The following CARHSP1 variants were observed in gnomAD, a reference collection of about 807,000 sequenced individuals.
CARHSP1 encodes calcium regulated heat stable protein 1.
In CARHSP1, 14 loss-of-function variants were observed where a neutral mutation model predicts 12.5. That is an observed-to-expected ratio of 1.12 (90% CI 0.74 to 1.75). The LOEUF is 1.75. Among genes scored for constraint, CARHSP1 ranks in the 40% most tolerant of loss-of-function variants. CARHSP1 has a pLI of 0.00. For missense variants in CARHSP1, 343 were observed against 201.6 expected, an observed-to-expected ratio of 1.70 and a Z score of -4.25; for synonymous variants, 161 against 82.0, an observed-to-expected ratio of 1.96 and a Z score of -5.20.
intron 3 of CARHSP1, chr16:8,858,045 G>A (rs2061204846): frequency 6.0e-6 from 2 of 334,194 alleles, no homozygotes; most frequent in Middle Eastern, 9.7e-4. Context: ...TTACAGGCGT[G>A]AGCCACCACG....
chr16:8,860,343 A>G, intron 1 of CARHSP1: 1 of 985,366 alleles, frequency 1.0e-6, no homozygotes, highest in Non-Finnish European at 1.2e-6. Flanking sequence ...TGTGACCCCT[A>G]GTATGTACCG....
chr16:8,863,101 C>T (rs1272047768), intron 1 of CARHSP1, among the ~76,000 whole-genome samples: 1 of 141,450 alleles, frequency 7.1e-6, no homozygotes, highest in Non-Finnish European at 1.5e-5. Context: ...CAGGAATGGC[C>T]ACAAGGATGG....
intron 3 of CARHSP1, among the ~76,000 whole-genome samples, chr16:8,855,833 C>G (rs1344720963): frequency 6.6e-6 from 1 of 152,080 alleles, no homozygotes; most frequent in Non-Finnish European, 1.5e-5. Flanking sequence ...CCCAGCCTGC[C>G]TTTTTTTGAG....
At chr16:8,861,087 G>A (rs1169859825) in intron 1 of CARHSP1, among the ~76,000 whole-genome samples, 1 of 143,868 alleles carries the variant, frequency 7.0e-6, no homozygotes, top group Non-Finnish European at 1.5e-5. Flanking sequence ...TTGAGACAGT[G>A]TCTCACTGTC....
At chr16:8,858,677 C>G in intron 2 of CARHSP1, 7 of 576,208 alleles carry the variant, frequency 1.2e-5, no homozygotes, top group East Asian at 8.9e-5. Context: ...ATGACCCTGG[C>G]CAATTTTCTC....
Position 8,856,362 on chromosome 16 carries a change from A to T in CARHSP1, c.282-1036T>A, listed in dbSNP as rs577639536. On this transcript the variant is annotated intron_variant, in intron 3 of 3. Coordinates refer to ENST00000311052, the MANE Select transcript of CARHSP1 (RefSeq NM_014316.4). ...TTGATTGGAGAATCGTATGGTGAAG[A>T]GTGTTTCCCTCTTTGATCTGGTCAC... Among the ~76,000 whole-genome samples, 21 of 152,320 alleles carry T rather than the reference A, an allele frequency of 1.4e-4. No homozygotes were observed. The South Asian group carries it at 3.9e-3, about 29-fold the overall frequency.
At chr16:8,857,720 G>A (rs2061187902) in intron 3 of CARHSP1, 1 of 150,320 alleles carries the variant, frequency 6.7e-6, no homozygotes, top group Non-Finnish European at 1.5e-5. Context: ...CTTCCGAGGA[G>A]CCGGGATTAC....
intron 3 of CARHSP1, among the ~76,000 whole-genome samples, chr16:8,855,663 C>T (rs968686304): frequency 6.6e-6 from 1 of 150,698 alleles, no homozygotes; most frequent in Non-Finnish European, 1.5e-5. Context: ...GACAGCCAGT[C>T]CAAGCCAGAG....
intron 1 of CARHSP1, chr16:8,866,297 C>T (rs1402765521): frequency 2.9e-6 from 1 of 339,572 alleles, no homozygotes; most frequent in Non-Finnish European, 4.2e-6. Context: ...TGTCCCTGAC[C>T]CAGGGAACAC....
rs200892360 is a variant in CARHSP1, at chr16:8,859,199, G to A, written c.130C>T (p.Pro44Ser). Residue 44 changes from proline to serine, a missense_variant, in exon 2 of 4, where the codon CCC becomes TCC. Pro to Ser is a moderately conservative substitution (Grantham distance 74). Transcript: ENST00000311052. ...GAGAAGGTCCTCGTCCGGCGAGTGG[G>A]CAGTGGGCTTGGGACCACGTTGCCC... ...LRGNVVPSPL[P>S]TRRTRTFSAT... The A allele has an allele frequency of 1.2e-6, 2 of 1,603,852 alleles. No individual in the cohort carries two copies. Among genetic ancestry groups the A allele is most frequent in the South Asian group, 1.1e-5 (1 of 89,612 alleles).
In CARHSP1 at chr16:8,857,919, G is replaced by A. The variant is rs185221348; in HGVS notation, c.281+431C>T. 7.4e-3 allele frequency: 1,156 copies of A among 156,358 alleles called. 10 individuals are homozygous for A. The highest frequency in any genetic ancestry group is 0.03 in the African/African-American group (1,106 of 36,492). 9.7% of individuals were successfully genotyped at this position (156,358 alleles called of 1,614,324 possible). A position where few individuals can be genotyped will look rare whatever the true frequency, so the allele number is the denominator to read the frequency against. ...TGGGACTACAGGTGCCCGCCACCAT[G>A]CCCGGCTAATTTTTTTTGTGTTTTT... On this transcript the variant is annotated intron_variant, in intron 3 of 3. Transcript: ENST00000311052.
At chr16:8,860,005 T>C (rs369464315) in intron 1 of CARHSP1, 2 of 324,234 alleles carry the variant, frequency 6.2e-6, no homozygotes, top group South Asian at 2.4e-4. Flanking sequence ...CCAGGGAGAT[T>C]TTAATGCCAA....
At chr16:8,862,139 G>A (rs1165846490) in intron 1 of CARHSP1, among the ~76,000 whole-genome samples, 1 of 151,552 alleles carries the variant, frequency 6.6e-6, no homozygotes, top group South Asian at 2.1e-4. Flanking sequence ...AGTAGCAGGG[G>A]TTACAGGTGC....
At chr16:8,858,296 G>A (rs956887439) in intron 3 of CARHSP1, 54 bp downstream of exon 3, 169 of 1,592,906 alleles carry the variant, frequency 1.1e-4, no homozygotes, top group Middle Eastern at 3.6e-4. Flanking sequence ...CACCTCCACA[G>A]GGCCAAGGAA....
At chr16:8,861,701 G>A in intron 1 of CARHSP1, 1 of 1,288,886 alleles carries the variant, frequency 7.8e-7, no homozygotes, top group South Asian at 1.2e-5. Flanking sequence ...CCGCGGCCAA[G>A]GAGGAACTCC....
intron 1 of CARHSP1, among the ~76,000 whole-genome samples, chr16:8,866,232 G>A (rs957156703): frequency 3.3e-5 from 5 of 152,308 alleles, no homozygotes; most frequent in Admixed American, 1.3e-4. Context: ...GGGATTACAG[G>A]CTCCAGATTC....
rs890968215 is a variant in CARHSP1 at position 8,855,082 on chromosome 16, A to G, written c.*82T>C. On this transcript the variant is annotated 3_prime_UTR_variant, in exon 4 of 4. Transcript: ENST00000311052. ...CCGGCTGAAGCCCCGTCTCGTGTGG[A>G]AGAATGTCATCTCCAGTGTCTGCTG... 9.0e-6 allele frequency: 11 copies of G among 1,226,776 alleles called. No homozygotes were observed. The highest frequency in any genetic ancestry group is 3.2e-5 in the East Asian group (1 of 30,978). The allele number at this position is 1,226,776 out of a possible 1,614,324, so 76.0% of individuals were successfully genotyped here. A position where few individuals can be genotyped will look rare whatever the true frequency, so the allele number is the denominator to read the frequency against.
rs754418938 is a variant in CARHSP1, at chr16:8,859,286, G to T, written c.43C>A (p.Gln15Lys). ...PPPPPQPPTH[Q>K]ASVGLLDTPR... ...GTGTCCAGCAGCCCGACTGAAGCTT[G>T]ATGGGTGGGGGGCTGTGGTGGTGGG... The change falls in exon 2 of 4, where the codon CAA becomes AAA. Residue 15 changes from glutamine to lysine, a missense_variant. Transcript: ENST00000311052. 13 of 1,603,812 alleles carry T rather than the reference G, an allele frequency of 8.1e-6. No individual in the cohort carries two copies. The South Asian group carries it at 1.3e-4, about 17-fold the overall frequency.
Position 8,859,187 on chromosome 16 carries a change from T to G in CARHSP1, c.142A>C (p.Thr48Pro). The change falls in exon 2 of 4, where the codon ACG becomes CCG. Residue 48 changes from threonine (T) to proline (P), a missense_variant. By Grantham distance (38) the Thr-to-Pro change is conservative. Transcript: ENST00000311052. ...CAGACTCACGCCGAGAAGGTCCTCG[T>G]CCGGCGAGTGGGCAGTGGGCTTGGG... The part of the protein sequence containing the change: ...VVPSPLPTRR[T>P]RTFSATVRAS... 2.5e-6 allele frequency: 4 copies of G among 1,601,250 alleles called. No individual in the cohort carries two copies. The highest frequency in any genetic ancestry group is 3.4e-6 in the Non-Finnish European group (4 of 1,173,774).
Sources: allele counts gnomAD v4.1 joint callset (sites outside exome capture counted in the v4.1 genomes callset), GRCh38; gene constraint gnomAD v4.1.1; transcripts MANE v1.5; gene names NCBI Gene and HGNC (gene_info 2026-07-23, HGNC 2026-07-21).